NONO: variants seen among roughly 807,000 people sequenced by gnomAD.
NONO encodes the protein non-POU domain-containing octamer-binding protein.
A neutral mutation model predicts 40.2 loss-of-function variants in NONO; 6 were observed. The observed-to-expected ratio is 0.15, with a 90% CI of 0.08 to 0.29. The LOEUF is 0.29. Among genes scored for constraint, NONO ranks in the 10% least tolerant of loss-of-function variants. NONO has a pLI of 1.00. For synonymous variants in NONO, 89 were observed against 123.3 expected, an observed-to-expected ratio of 0.72 and a Z score of 1.85; for missense variants, 133 against 397.8, an observed-to-expected ratio of 0.33 and a Z score of 5.66.
At chrX:71,294,162 C>T (rs956141519) in intron 4 of NONO, 65 bp from the exon 5 acceptor site, 4 of 1,064,129 alleles carry the variant, frequency 3.8e-6, no homozygotes, top group Middle Eastern at 2.6e-4. Context: ...CTGCTTTAGA[C>T]TGTTGATGGC....
At chrX:71,294,637 G>A in intron 5 of NONO, 109 bp downstream of exon 5, 1 of 799,042 alleles carries the variant, frequency 1.3e-6, no homozygotes, top group African/African-American at 2.1e-5. Context: ...CTTTTGGTCA[G>A]CCTGGCATGG....
At chrX:71,295,513 C>T (rs139133343) in intron 5 of NONO, among the ~76,000 whole-genome samples, 10 of 110,633 alleles carry the variant, frequency 9.0e-5, no homozygotes, top group Admixed American at 3.9e-4. Flanking sequence ...TGGTATTAGC[C>T]TGGGCATGGT....
chrX:71,290,957 C>T (rs924340888), intron 3 of NONO, among the ~76,000 whole-genome samples, 166 bp downstream of exon 3: 1 of 112,298 alleles, frequency 8.9e-6, no homozygotes, highest in Non-Finnish European at 1.9e-5. Flanking sequence ...GCTGATTCTC[C>T]GGAACCAAGG....
intron 3 of NONO, 83 bp downstream of exon 3, chrX:71,290,874 A>C (rs1031886349): frequency 1.1e-5 from 11 of 1,000,567 alleles, no homozygotes; most frequent in Non-Finnish European, 1.5e-5. Context: ...TCTCGGGCTT[A>C]TAAGGGAATA....
In NONO at chrX:71,298,797, C is replaced by T. The variant is rs2031511658; in HGVS notation, c.1262C>T (p.Pro421Leu). 3 of 1,205,790 alleles carry T rather than the reference C, an allele frequency of 2.5e-6. No individual in the cohort carries two copies. Among genetic ancestry groups the T allele is most frequent in the Non-Finnish European group, 3.4e-6 (3 of 890,481 alleles). The change falls in exon 11 of 12, where the codon CCG becomes CTG. Residue 421 changes from proline (P) to leucine (L), a missense_variant. Pro to Leu is a moderately conservative substitution (Grantham distance 98). Around this residue, in one of 3 missense-constraint regions of NONO, gnomAD observed 73 missense variants for 162.2 expected, o/e 0.45. Transcript: ENST00000276079. The part of the protein sequence containing the change: ...PAPPGPATMM[P>L]DGTLGLTPPT... ...CCTCCAGGACCTGCCACTATGATGC[C>T]GGATGGAACTTTGGGATTGGTAATA...
rs1041248369 is a variant in NONO at position 71,300,507 on chromosome X, C to T, written c.*431C>T. 1.2e-4 allele frequency: 26 copies of T among 210,584 alleles called. No homozygotes were observed. The highest frequency in any genetic ancestry group is 2.2e-4 in the Non-Finnish European group (26 of 117,698). The allele number at this position is 210,584 out of a possible 1,213,427, so 17.4% of individuals were successfully genotyped here. ...TCTCGGCTCACTGCAATCTCTGCCT[C>T]CCGGGTTCAAGCTTGTCCAGGTTGA... is the stretch of plus-strand genomic sequence containing the variant. On this transcript the variant is annotated 3_prime_UTR_variant, in exon 12 of 12. Coordinates refer to ENST00000276079, the MANE Select transcript of NONO (RefSeq NM_007363.5).
intron 11 of NONO, among the ~76,000 whole-genome samples, chrX:71,299,082 C>T (rs921376741): frequency 9.0e-6 from 1 of 111,551 alleles, no homozygotes; most frequent in East Asian, 2.8e-4. Context: ...CCACCATGCC[C>T]GGCTAATTTT....
chrX:71,292,753 A>T (rs912998247), intron 4 of NONO: 3 of 112,179 alleles, frequency 2.7e-5, no homozygotes, highest in Non-Finnish European at 5.6e-5. Context: ...GACAAAGGCA[A>T]CGCACCACGG....
intron 8 of NONO, 129 bp from the exon 9 acceptor site, chrX:71,297,707 C>T: frequency 1.8e-6 from 1 of 541,245 alleles, no homozygotes; most frequent in Non-Finnish European, 3.0e-6. Context: ...CAGGGCTGGG[C>T]ACACTTAACA....
At chrX:71,288,917 A>G (rs916347684) in intron 2 of NONO, among the ~76,000 whole-genome samples, 5 of 112,164 alleles carry the variant, frequency 4.5e-5, no homozygotes, top group South Asian at 3.6e-4. Flanking sequence ...GAGGAACACA[A>G]TTCAAACCTA....
intron 2 of NONO, among the ~76,000 whole-genome samples, chrX:71,286,445 C>T (rs950504033): frequency 8.9e-6 from 1 of 111,748 alleles, no homozygotes; most frequent in Non-Finnish European, 1.9e-5. Flanking sequence ...TCCACTGTAA[C>T]CATCTAGAAT....
intron 4 of NONO, chrX:71,292,906 T>C (rs1272400699): frequency 8.9e-6 from 1 of 112,632 alleles, no homozygotes; most frequent in Non-Finnish European, 1.9e-5. Flanking sequence ...TGAGCTATGC[T>C]CATAGCACTG....
intron 2 of NONO, among the ~76,000 whole-genome samples, chrX:71,288,812 C>T (rs565544503): frequency 2.7e-5 from 3 of 112,944 alleles, no homozygotes; most frequent in East Asian, 5.5e-4. Context: ...TGTTTATTCT[C>T]ATAGCCACTT....
chrX:71,294,843 CAGG>C (rs1569240029), intron 5 of NONO, among the ~76,000 whole-genome samples: 5 of 108,934 alleles, frequency 4.6e-5, no homozygotes, highest in Non-Finnish European at 1.9e-5. Context: ...CGCTTGAACC[CAGG>C]AGGCAGAGGT....
Position 71,296,851 on chromosome X carries a change from G to A in NONO, c.747G>A (p.Lys249=), listed in dbSNP as rs745958287. 2.5e-6 allele frequency: 3 copies of A among 1,205,470 alleles called. No homozygotes were observed. The South Asian group carries it at 5.4e-5, about 22-fold the overall frequency. The change falls in exon 7 of 12, where the codon AAG becomes AAA. Residue 249 remains lysine (K), a splice_region_variant and synonymous_variant. Transcript: ENST00000276079. ...KLVIKNQQFH[K]EREQPPRFAQ... The stretch of plus-strand genomic sequence containing the variant: ...AGTAACCTAGGAACCTTGCCTATAG[G>A]GAACGAGAGCAGCCACCCAGATTTG...
chrX:71,283,765 G>T (rs748206962), intron 1 of NONO, 44 bp downstream of exon 1: 2 of 111,198 alleles, frequency 1.8e-5, no homozygotes, highest in Admixed American at 9.6e-5. Flanking sequence ...AGGGTAGTGG[G>T]ATTTCTTGGA....
At position 71,285,965 on chromosome X, in the gene NONO, G is replaced by A. The variant is rs187197977; in HGVS notation, c.-10+1512G>A. On this transcript the variant is annotated intron_variant, in intron 2 of 11. Transcript: ENST00000276079. ...AGTGGAAAAAACAGGTTACAAAATAGTATTTATCATATCTCATTTCAAATA... is the reference window on the plus strand; with the variant it reads ...AGTGGAAAAAACAGGTTACAAAATAATATTTATCATATCTCATTTCAAATA... Among the ~76,000 whole-genome samples, 57 of 111,956 alleles carry A rather than the reference G, an allele frequency of 5.1e-4. No individual in the cohort carries two copies. In the East Asian group the frequency reaches 0.015, roughly 30 times the overall value.
At chrX:71,298,177 T>A in intron 9 of NONO, 3 of 435,645 alleles carry the variant, frequency 6.9e-6, no homozygotes, top group Non-Finnish European at 8.0e-6. Context: ...GGAAGAGATA[T>A]GCAACCTTGG....
Position 71,296,835 on chromosome X carries a change from G to A in NONO, c.747-16G>A, listed in dbSNP as rs777385558. ...AATTCTGGACAAAGTTAGTAACCTA[G>A]GAACCTTGCCTATAGGGAACGAGAG... is the stretch of plus-strand genomic sequence containing the variant. On this transcript the variant is annotated splice_polypyrimidine_tract_variant and intron_variant, in intron 6 of 11. Coordinates refer to ENST00000276079, the MANE Select transcript of NONO (RefSeq NM_007363.5). 4.2e-6 allele frequency: 5 copies of A among 1,195,307 alleles called. No individual in the cohort carries two copies. The Admixed American group carries it at 6.9e-5, about 16-fold the overall frequency.
Sources: allele counts gnomAD v4.1 joint callset (sites outside exome capture counted in the v4.1 genomes callset), GRCh38; gene constraint gnomAD v4.1.1; regional missense constraint gnomAD v4.1.1; transcripts MANE v1.5; gene names NCBI Gene and HGNC (gene_info 2026-07-23, HGNC 2026-07-21).